Variants in SCAPER observed in about 807,000 individuals in gnomAD.
SCAPER encodes S phase cyclin A-associated protein in the endoplasmic reticulum.
SCAPER carries 98 observed loss-of-function variants against 182.2 expected under a neutral mutation model. The ratio of observed to expected loss-of-function variants is 0.54; its 90% CI spans 0.46 to 0.64. The LOEUF (loss-of-function observed/expected upper bound fraction) is 0.64. Ranked by LOEUF, SCAPER falls within the 30% of genes least tolerant of loss-of-function variation. The pLI is 0.00. For missense variants in SCAPER, 1,432 were observed against 1,690.0 expected (o/e 0.85, Z 2.68); for synonymous variants, 605 against 564.6 (o/e 1.07, Z -1.01).
At chr15:76,565,669 C>A (rs886709526) in intron 23 of SCAPER, among the ~76,000 whole-genome samples, 3 of 152,032 alleles carry the variant, frequency 2.0e-5, no homozygotes, top group Admixed American at 2.0e-4. Context: ...TTCCTTATGC[C>A]CCTTTCCAGT....
chr15:76,542,438 G>A (rs374962946), intron 23 of SCAPER, among the ~76,000 whole-genome samples: 174 of 151,984 alleles, frequency 1.1e-3, no homozygotes, highest in Middle Eastern at 3.4e-3. Flanking sequence ...CAGGAGAATC[G>A]CTTGAACCTG....
intron 21 of SCAPER, among the ~76,000 whole-genome samples, chr15:76,622,190 T>C (rs749886583): frequency 3.5e-4 from 54 of 152,284 alleles, no homozygotes; most frequent in Admixed American, 1.5e-3. Flanking sequence ...TTGCCTAAAC[T>C]AGTAGGTGAC....
At chr15:76,609,205 G>C (rs2050752206) in intron 22 of SCAPER, among the ~76,000 whole-genome samples, 2 of 152,024 alleles carry the variant, frequency 1.3e-5, no homozygotes, top group Non-Finnish European at 2.9e-5. Context: ...TAGAATATTG[G>C]GCTGGGCACA....
At chr15:76,687,717 T>A (rs528484021) in intron 20 of SCAPER, among the ~76,000 whole-genome samples, 9 of 152,324 alleles carry the variant, frequency 5.9e-5, no homozygotes. Flanking sequence ...TGTGTTGGTT[T>A]GCTGAGAATG....
At chr15:76,900,375 A>C (rs546109605) in intron 1 of SCAPER, among the ~76,000 whole-genome samples, 17 of 151,226 alleles carry the variant, frequency 1.1e-4, no homozygotes, top group Admixed American at 3.9e-4. Flanking sequence ...AAAATAAATA[A>C]ATACATACAT....
chr15:76,811,162 A>T (rs1490461777), intron 5 of SCAPER, among the ~76,000 whole-genome samples: 1 of 151,954 alleles, frequency 6.6e-6, no homozygotes, highest in Admixed American at 6.5e-5. Context: ...CAAACCAAAT[A>T]AACTTAACAA....
intron 22 of SCAPER, among the ~76,000 whole-genome samples, chr15:76,600,516 C>A (rs2049859776): frequency 8.9e-6 from 1 of 111,920 alleles, no homozygotes; most frequent in Non-Finnish European, 2.1e-5. Context: ...ATGGCACCAT[C>A]TCTACCCACT....
At chr15:76,764,373 G>C (rs2062987443) in intron 14 of SCAPER, among the ~76,000 whole-genome samples, 1 of 151,966 alleles carries the variant, frequency 6.6e-6, no homozygotes, top group African/African-American at 2.4e-5. Flanking sequence ...TGGTAGGTGG[G>C]AGCCAAGGCA....
intron 8 of SCAPER, among the ~76,000 whole-genome samples, chr15:76,785,916 A>G (rs1414280104): frequency 6.6e-6 from 1 of 152,120 alleles, no homozygotes; most frequent in East Asian, 1.9e-4. Flanking sequence ...TAGGAAAAAT[A>G]CCTAATGCAA....
intron 23 of SCAPER, among the ~76,000 whole-genome samples, chr15:76,568,250 A>G (rs1435979000): frequency 1.3e-5 from 2 of 148,518 alleles, no homozygotes; most frequent in Non-Finnish European, 3.0e-5. Flanking sequence ...TATGAATTCA[A>G]TTATGTTCCA....
rs950060033 is a variant in SCAPER, at chr15:76,866,430, A to G, written c.7-3897T>C. Reference sequence around the variant, plus strand: ...CAAATCTAACATTCTTTACTTCCATAAACATTTCAGCTCCACTATAAATTT... The same window carrying G: ...CAAATCTAACATTCTTTACTTCCATGAACATTTCAGCTCCACTATAAATTT... On this transcript the variant is annotated intron_variant, in intron 2 of 31. Coordinates refer to ENST00000563290, the MANE Select transcript of SCAPER (RefSeq NM_020843.4). 1.2e-4 allele frequency among the ~76,000 whole-genome samples: 19 copies of G among 152,310 alleles called. 1 individual carries two copies. The highest frequency in any genetic ancestry group is 4.1e-4 in the African/African-American group (17 of 41,574).
At chr15:76,781,497 T>C (rs1361119452) in intron 8 of SCAPER, among the ~76,000 whole-genome samples, 1 of 152,182 alleles carries the variant, frequency 6.6e-6, no homozygotes, top group East Asian at 1.9e-4. Flanking sequence ...TTCCCCAACC[T>C]AGCAAGACAG....
intron 2 of SCAPER, among the ~76,000 whole-genome samples, chr15:76,879,741 G>A (rs932319957): frequency 3.9e-5 from 6 of 151,930 alleles, no homozygotes; most frequent in South Asian, 2.1e-4. Flanking sequence ...ATGATCTTTC[G>A]AATCCCAACT....
chr15:76,825,130 C>G (rs186124508), intron 5 of SCAPER, among the ~76,000 whole-genome samples: 40 of 152,324 alleles, frequency 2.6e-4, no homozygotes, highest in African/African-American at 9.4e-4. Flanking sequence ...GCTTCAAGAT[C>G]TTTCTTTTGC....
chr15:76,559,189 C>T (rs1281594160), intron 23 of SCAPER, among the ~76,000 whole-genome samples: 1 of 150,078 alleles, frequency 6.7e-6, no homozygotes, highest in Non-Finnish European at 1.5e-5. Flanking sequence ...CACCCACCAC[C>T]ACACCCAGCT....
chr15:76,535,652 G>C (rs932362954), intron 23 of SCAPER, among the ~76,000 whole-genome samples: 4 of 149,938 alleles, frequency 2.7e-5, no homozygotes, highest in African/African-American at 9.7e-5. Flanking sequence ...CAACATACAG[G>C]TATTGCTGGC....
intron 28 of SCAPER, among the ~76,000 whole-genome samples, chr15:76,379,021 TC>T (rs1248719669): frequency 6.6e-6 from 1 of 152,196 alleles, no homozygotes; most frequent in African/African-American, 2.4e-5. Flanking sequence ...AATTCTGAAC[TC>T]CTAGAATCTG....
chr15:76,756,373 T>C (rs936847042), intron 14 of SCAPER, among the ~76,000 whole-genome samples: 3 of 152,066 alleles, frequency 2.0e-5, no homozygotes, highest in Non-Finnish European at 4.4e-5. Context: ...TGCCAGGAAT[T>C]TGAGACCAGT....
chr15:76,477,426 G>A lies in SCAPER; in HGVS notation c.2955-6091C>T, dbSNP rs78248957. ...AGGACAATGGTTGAGATGCTGTGCA[G>A]GTTAACAGCACAACCCATGTTTACA... On this transcript the variant is annotated intron_variant, in intron 24 of 31. Coordinates refer to ENST00000563290, the MANE Select transcript of SCAPER (RefSeq NM_020843.4). 8.1e-3 allele frequency among the ~76,000 whole-genome samples: 1,240 copies of A among 152,208 alleles called. 11 individuals carry two copies. Among genetic ancestry groups the A allele is most frequent in the African/African-American group, 0.028 (1,176 of 41,520 alleles).
Sources: gnomAD v4.1 joint callset for allele counts (sites outside exome capture counted in the v4.1 genomes callset) on GRCh38, gnomAD v4.1.1 for gene constraint, MANE v1.5 for transcripts, NCBI Gene and HGNC (gene_info 2026-07-23, HGNC 2026-07-21) for gene names.